Variants in SESTD1 observed in about 807,000 individuals in gnomAD.
SESTD1 encodes SEC14 and spectrin domain containing 1.
A neutral mutation model predicts 101.7 loss-of-function variants in SESTD1; 43 were observed. The observed-to-expected ratio is 0.42, with a 90% CI of 0.33 to 0.55. The LOEUF is 0.55. SESTD1 is among the 20% of genes least tolerant of loss of function. The pLI is 0.07. For synonymous variants in SESTD1, 283 were observed against 286.8 expected, an observed-to-expected ratio of 0.99 and a Z score of 0.13; for missense variants, 647 against 815.1, an observed-to-expected ratio of 0.79 and a Z score of 2.51.
At chr2:179,153,414 TC>T (rs2045566675) in intron 5 of SESTD1, among the ~76,000 whole-genome samples, 2 of 152,128 alleles carry the variant, frequency 1.3e-5, no homozygotes, top group Non-Finnish European at 2.9e-5. Context: ...AGAAAAAGCA[TC>T]CTTACAGTGC....
chr2:179,137,657 C>G (rs1244218567), intron 9 of SESTD1, among the ~76,000 whole-genome samples: 5 of 152,314 alleles, frequency 3.3e-5, no homozygotes, highest in Admixed American at 1.3e-4. Flanking sequence ...TGGAGAATCT[C>G]TGCATACCAC....
intron 1 of SESTD1, among the ~76,000 whole-genome samples, chr2:179,233,070 T>C (rs1391961842): frequency 2.0e-5 from 3 of 152,156 alleles, no homozygotes; most frequent in Admixed American, 6.6e-5. Context: ...AATTCTAAGA[T>C]GGAAATCAAA....
intron 10 of SESTD1, among the ~76,000 whole-genome samples, chr2:179,125,745 GT>G (rs369379742): frequency 3.3e-5 from 5 of 152,076 alleles, no homozygotes; most frequent in African/African-American, 4.8e-5. Flanking sequence ...GATCATTTAT[GT>G]TTTTTTCACT....
intron 2 of SESTD1, among the ~76,000 whole-genome samples, chr2:179,191,032 G>A (rs1355443894): frequency 6.6e-6 from 1 of 152,154 alleles, no homozygotes; most frequent in Non-Finnish European, 1.5e-5. Context: ...TATATACCCA[G>A]TAATGGGATT....
intron 9 of SESTD1, among the ~76,000 whole-genome samples, chr2:179,139,583 A>G (rs560714702): frequency 6.6e-6 from 1 of 152,294 alleles, no homozygotes; most frequent in Admixed American, 6.5e-5. Flanking sequence ...TTCTATAGAT[A>G]ACAACCTAAA....
At chr2:179,146,634 A>G (rs1174910768) in intron 7 of SESTD1, among the ~76,000 whole-genome samples, 177 bp from the exon 8 acceptor site, 1 of 152,224 alleles carries the variant, frequency 6.6e-6, no homozygotes, top group African/African-American at 2.4e-5. Context: ...AAAAGTAAAT[A>G]CTAGTAGCCA....
At chr2:179,257,000 C>A (rs1226562165) in intron 1 of SESTD1, among the ~76,000 whole-genome samples, 1 of 152,012 alleles carries the variant, frequency 6.6e-6, no homozygotes, top group East Asian at 1.9e-4. Context: ...AGGACTGACT[C>A]AAATTGTGAA....
chr2:179,176,532 C>A lies in SESTD1; in HGVS notation c.171G>T (p.Lys57Asn). Reference protein sequence around the residue: ...LDYLLSIPSEKCKARGFTVIV... With the variant: ...LDYLLSIPSENCKARGFTVIV... The stretch of plus-strand genomic sequence containing the variant: ...TCACGGTAAATCCTCTAGCCTTACA[C>A]TTCTCACTGAAACAAAATAAAATTA... Residue 57 changes from lysine to asparagine, a missense_variant, in exon 4 of 18, where the codon AAG (lysine) becomes AAT (asparagine). Coordinates refer to ENST00000428443, the MANE Select transcript of SESTD1 (RefSeq NM_178123.5). 1 of 1,612,246 alleles carries A rather than the reference C, an allele frequency of 6.2e-7. No individual in the cohort carries two copies.
chr2:179,174,799 A>G (rs548574771), intron 4 of SESTD1, among the ~76,000 whole-genome samples: 31 of 152,152 alleles, frequency 2.0e-4, no homozygotes, highest in Non-Finnish European at 4.0e-4. Context: ...AAATAAAAAA[A>G]GTAGCCAGGT....
At chr2:179,198,558 C>A (rs576425762) in intron 1 of SESTD1, among the ~76,000 whole-genome samples, 16 of 152,028 alleles carry the variant, frequency 1.1e-4, no homozygotes, top group African/African-American at 2.2e-4. Flanking sequence ...CTTGGAAGTA[C>A]AGCTCTCCTC....
intron 1 of SESTD1, among the ~76,000 whole-genome samples, chr2:179,225,637 G>A (rs1196727605): frequency 6.6e-6 from 1 of 152,104 alleles, no homozygotes; most frequent in African/African-American, 2.4e-5. Flanking sequence ...TTCAGTGCCT[G>A]GTGAAGCCCT....
intron 5 of SESTD1, among the ~76,000 whole-genome samples, chr2:179,162,094 T>C (rs1214967880): frequency 6.6e-6 from 1 of 151,882 alleles, no homozygotes; most frequent in East Asian, 1.9e-4. Context: ...CTCTTATGGT[T>C]TGTTATTCAC....
intron 2 of SESTD1, among the ~76,000 whole-genome samples, chr2:179,185,816 T>C (rs1445626132): frequency 1.5e-5 from 2 of 130,934 alleles, no homozygotes; most frequent in Admixed American, 8.4e-5. Flanking sequence ...ATATACAATA[T>C]AGTATATTAT....
intron 1 of SESTD1, among the ~76,000 whole-genome samples, chr2:179,251,964 C>A (rs2047323662): frequency 6.6e-6 from 1 of 152,132 alleles, no homozygotes; most frequent in African/African-American, 2.4e-5. Flanking sequence ...TGGACTAAGA[C>A]CAGATGTAAA....
Position 179,105,133 on chromosome 2 carries a change from T to C in SESTD1, c.*4766A>G, listed in dbSNP as rs1299733617. On this transcript the variant is annotated 3_prime_UTR_variant, in exon 18 of 18. Coordinates refer to ENST00000428443, the MANE Select transcript of SESTD1 (RefSeq NM_178123.5). ...AGTTTACCAAGAGACTGCTCCTCTC[T>C]AAGCATAGCCAGCACTAATTGTGGT... The C allele has an allele frequency of 6.6e-6, 1 of 151,920 alleles. No homozygotes were observed. Among genetic ancestry groups the C allele is most frequent in the Non-Finnish European group, 1.5e-5 (1 of 67,998 alleles). 9.4% of individuals were successfully genotyped at this position (151,920 alleles called of 1,614,324 possible).
At chr2:179,196,717 G>A (rs1393455216) in intron 1 of SESTD1, among the ~76,000 whole-genome samples, 1 of 152,082 alleles carries the variant, frequency 6.6e-6, no homozygotes, top group Non-Finnish European at 1.5e-5. Context: ...TCACACGGCT[G>A]GGTACTCCAA....
intron 1 of SESTD1, among the ~76,000 whole-genome samples, chr2:179,233,447 T>C (rs2047014646): frequency 6.6e-6 from 1 of 152,052 alleles, no homozygotes; most frequent in South Asian, 2.1e-4. Flanking sequence ...TCATAGTTTT[T>C]TTTTGCTTTT....
intron 1 of SESTD1, among the ~76,000 whole-genome samples, chr2:179,257,741 G>C (rs1481039460): frequency 1.3e-5 from 2 of 152,180 alleles, no homozygotes; most frequent in African/African-American, 4.8e-5. Context: ...TTACGGTATG[G>C]AGTGGGCCAC....
intron 12 of SESTD1, 87 bp from the exon 13 acceptor site, chr2:179,122,016 C>A: frequency 3.0e-6 from 4 of 1,349,234 alleles, no homozygotes; most frequent in Non-Finnish European, 3.9e-6. Flanking sequence ...GATATTGTAC[C>A]TGGATCCCAA....
Sources: gnomAD v4.1 joint callset for allele counts (sites outside exome capture counted in the v4.1 genomes callset) on GRCh38, gnomAD v4.1.1 for gene constraint, MANE v1.5 for transcripts, NCBI Gene and HGNC (gene_info 2026-07-23, HGNC 2026-07-21) for gene names.